The following EBF1 variants were observed in gnomAD, a reference collection of about 807,000 sequenced individuals.
EBF1 encodes the protein EBF transcription factor 1.
A neutral mutation model predicts 68.4 loss-of-function variants in EBF1; 10 were observed. The ratio of observed to expected loss-of-function variants is 0.15; its 90% CI spans 0.09 to 0.25. The LOEUF is 0.25. Among genes scored for constraint, EBF1 ranks in the 10% least tolerant of loss-of-function variants. EBF1 has a pLI of 1.00. For missense variants in EBF1, 509 were observed against 794.4 expected (o/e 0.64, Z 4.32); for synonymous variants, 298 against 299.8 (o/e 0.99, Z 0.06).
At chr5:159,013,357 G>A (rs773059236) in intron 6 of EBF1, among the ~76,000 whole-genome samples, 3 of 152,178 alleles carry the variant, frequency 2.0e-5, no homozygotes, top group Non-Finnish European at 4.4e-5. Flanking sequence ...AGTCTCCTAA[G>A]AGGACTCTAG....
intron 6 of EBF1, among the ~76,000 whole-genome samples, chr5:159,026,936 T>C (rs1262483871): frequency 6.6e-6 from 1 of 152,000 alleles, no homozygotes; most frequent in Non-Finnish European, 1.5e-5. Context: ...AACTGAAAAA[T>C]GAAGAGAAGA....
chr5:159,009,681 A>C (rs1471354950), intron 6 of EBF1, among the ~76,000 whole-genome samples: 1 of 151,734 alleles, frequency 6.6e-6, no homozygotes, highest in African/African-American at 2.4e-5. Context: ...CAGGAGGCTG[A>C]GGCAGGAGAG....
chr5:158,791,528 C>T (rs1778604285), intron 9 of EBF1, among the ~76,000 whole-genome samples: 1 of 151,980 alleles, frequency 6.6e-6, no homozygotes, highest in East Asian at 1.9e-4. Flanking sequence ...CAATCTCAAC[C>T]CTTGCAGCCT....
intron 4 of EBF1, among the ~76,000 whole-genome samples, chr5:159,089,418 G>A (rs1056273099): frequency 2.6e-5 from 4 of 152,066 alleles, no homozygotes; most frequent in Admixed American, 1.3e-4. Context: ...ACTGTGAAGC[G>A]TAGTTCATTC....
intron 6 of EBF1, among the ~76,000 whole-genome samples, chr5:159,016,372 C>T (rs372999341): frequency 5.9e-4 from 90 of 152,236 alleles, no homozygotes; most frequent in African/African-American, 2.1e-3. Context: ...GGTTACCACC[C>T]TCTTGCCTTT....
At chr5:159,068,366 G>A (rs1180416447) in intron 6 of EBF1, among the ~76,000 whole-genome samples, 1 of 101,296 alleles carries the variant, frequency 9.9e-6, no homozygotes, top group South Asian at 3.1e-4. Flanking sequence ...AAAGTATGTG[G>A]GTGGGTGGAT....
At chr5:158,781,658 G>T (rs544241314) in intron 9 of EBF1, among the ~76,000 whole-genome samples, 4 of 152,214 alleles carry the variant, frequency 2.6e-5, no homozygotes, top group African/African-American at 9.6e-5. Context: ...CAGAAAACTT[G>T]AGTTTATCAT....
chr5:158,950,810 A>G (rs970035917), intron 6 of EBF1, among the ~76,000 whole-genome samples: 5 of 152,090 alleles, frequency 3.3e-5, no homozygotes, highest in African/African-American at 1.2e-4. Context: ...ACCCATAGTC[A>G]CTCCTACCTC....
At chr5:159,067,805 C>T (rs1777104947) in intron 6 of EBF1, among the ~76,000 whole-genome samples, 2 of 152,072 alleles carry the variant, frequency 1.3e-5, no homozygotes, top group African/African-American at 4.8e-5. Context: ...GGTTAATAAA[C>T]AGTCTTAAAT....
intron 8 of EBF1, among the ~76,000 whole-genome samples, chr5:158,801,668 A>T (rs78050108): frequency 1.5e-5 from 2 of 133,092 alleles, no homozygotes; most frequent in Non-Finnish European, 3.3e-5. Flanking sequence ...GGGAAGAATT[A>T]AAAAAAAAAA....
At chr5:158,917,133 A>T (rs1280123392) in intron 6 of EBF1, among the ~76,000 whole-genome samples, 1 of 152,214 alleles carries the variant, frequency 6.6e-6, no homozygotes, top group Non-Finnish European at 1.5e-5. Context: ...TTGACACTCA[A>T]TAAAAGAAAC....
At chr5:158,972,730 T>C (rs895509639) in intron 6 of EBF1, among the ~76,000 whole-genome samples, 5 of 152,238 alleles carry the variant, frequency 3.3e-5, no homozygotes, top group African/African-American at 4.8e-5. Flanking sequence ...GCCCAGGACC[T>C]CCATAGCGCC....
chr5:159,003,691 C>T (rs1195276496), intron 6 of EBF1, among the ~76,000 whole-genome samples: 1 of 152,220 alleles, frequency 6.6e-6, no homozygotes, highest in Non-Finnish European at 1.5e-5. Context: ...AGCTTACATT[C>T]ATTGAGGACT....
intron 6 of EBF1, among the ~76,000 whole-genome samples, chr5:158,935,364 G>A (rs556746041): frequency 1.3e-5 from 2 of 152,282 alleles, no homozygotes; most frequent in South Asian, 4.1e-4. Flanking sequence ...ATGTGCTGCT[G>A]CAGCACAGCC....
At chr5:158,927,475 C>T (rs775395196) in intron 6 of EBF1, among the ~76,000 whole-genome samples, 1 of 152,078 alleles carries the variant, frequency 6.6e-6, no homozygotes, top group African/African-American at 2.4e-5. Context: ...GCAAGTAATG[C>T]TATATATACC....
chr5:158,871,034 C>A (rs927588533), intron 6 of EBF1, among the ~76,000 whole-genome samples: 4 of 152,126 alleles, frequency 2.6e-5, no homozygotes, highest in Admixed American at 1.3e-4. Flanking sequence ...CACTCTAATA[C>A]GACAGAAGGA....
chr5:158,823,365 G>A (rs1785294558), intron 7 of EBF1, 48 bp from the exon 8 acceptor site: 1 of 1,558,942 alleles, frequency 6.4e-7, no homozygotes, highest in Admixed American at 1.9e-5. Context: ...ATAAAAGCGT[G>A]GTGGGTAATA....
intron 6 of EBF1, among the ~76,000 whole-genome samples, chr5:159,035,834 C>A (rs1769932189): frequency 6.6e-6 from 1 of 152,168 alleles, no homozygotes. Context: ...GTCATGCATG[C>A]ACAAAAGTAT....
intron 6 of EBF1, among the ~76,000 whole-genome samples, chr5:158,843,147 C>A (rs376541764): frequency 1.3e-5 from 2 of 152,120 alleles, no homozygotes; most frequent in African/African-American, 4.8e-5. Context: ...CTTAAGAGGG[C>A]CCCCTGCTTG....
Sources: gnomAD v4.1 joint callset for allele counts (sites outside exome capture counted in the v4.1 genomes callset) on GRCh38, gnomAD v4.1.1 for gene constraint, MANE v1.5 for transcripts, NCBI Gene and HGNC (gene_info 2026-07-23, HGNC 2026-07-21) for gene names.